ATAD2B: variants seen among roughly 807,000 people sequenced by gnomAD.
ATAD2B encodes the protein ATPase family AAA domain-containing protein 2B.
Under a neutral mutation model 167.6 loss-of-function variants are expected in ATAD2B, and 40 were observed. The observed-to-expected ratio is 0.24, with a 90% CI of 0.19 to 0.31. The LOEUF (loss-of-function observed/expected upper bound fraction) is 0.31. Ranked by LOEUF, ATAD2B falls within the 10% of genes least tolerant of loss-of-function variation. The pLI, the probability that ATAD2B is intolerant of heterozygous loss-of-function variation, is 1.00. For missense variants in ATAD2B, 1,242 were observed against 1,757.2 expected (o/e 0.71, Z 5.24); for synonymous variants, 579 against 596.5 (o/e 0.97, Z 0.43).
chr2:23,909,201 C>A (rs1403987643), intron 1 of ATAD2B, among the ~76,000 whole-genome samples: 1 of 151,366 alleles, frequency 6.6e-6, no homozygotes, highest in African/African-American at 2.4e-5. Flanking sequence ...TATTAGCCAT[C>A]AAGAAAAATG....
the ATAD2B span, among the ~76,000 whole-genome samples, chr2:23,715,148 T>C: frequency 2.0e-5 from 3 of 152,348 alleles, no homozygotes; most frequent in South Asian, 6.2e-4. Flanking sequence ...CTCTTAGACA[T>C]TTTATACTTT....
At chr2:23,901,324 T>C (rs1349273466) in intron 1 of ATAD2B, among the ~76,000 whole-genome samples, 16 of 152,128 alleles carry the variant, frequency 1.1e-4, no homozygotes, top group Non-Finnish European at 2.4e-4. Flanking sequence ...CCAATCAAAT[T>C]TGATCATTCA....
At chr2:23,829,850 T>A (rs1432499112) in intron 14 of ATAD2B, among the ~76,000 whole-genome samples, 1 of 152,238 alleles carries the variant, frequency 6.6e-6, no homozygotes, top group African/African-American at 2.4e-5. Flanking sequence ...ATCAATTAAA[T>A]TCATTGAAAG....
chr2:23,924,571 G>A (rs554612273), intron 1 of ATAD2B, among the ~76,000 whole-genome samples: 1 of 152,160 alleles, frequency 6.6e-6, no homozygotes, highest in African/African-American at 2.4e-5. Flanking sequence ...GAGTAGTTAC[G>A]TCTCTAAAAA....
At chr2:23,711,213 T>C in the ATAD2B span, among the ~76,000 whole-genome samples, 1 of 151,930 alleles carries the variant, frequency 6.6e-6, no homozygotes, top group East Asian at 1.9e-4. Flanking sequence ...ATTCATGGAA[T>C]TGCAGGCAAT....
chr2:23,892,233 G>A (rs898670367), intron 2 of ATAD2B, among the ~76,000 whole-genome samples: 2 of 152,042 alleles, frequency 1.3e-5, no homozygotes, highest in Admixed American at 1.3e-4. Context: ...GCGCGATCTT[G>A]GCTCATTGCA....
intron 8 of ATAD2B, among the ~76,000 whole-genome samples, chr2:23,870,657 A>AG (rs1464506648): frequency 9.6e-4 from 2 of 2,078 alleles, no homozygotes; most frequent in Non-Finnish European, 2.7e-3. Context: ...TTAGAATCTC[A>AG]GAAAAAAAAA....
At chr2:23,784,346 G>A (rs1464866770) in intron 21 of ATAD2B, among the ~76,000 whole-genome samples, 2 of 151,992 alleles carry the variant, frequency 1.3e-5, no homozygotes, top group African/African-American at 2.4e-5. Flanking sequence ...AAAAACTTTT[G>A]TTTTAGGTTA....
chr2:23,919,623 A>T (rs992125607), intron 1 of ATAD2B, among the ~76,000 whole-genome samples: 4 of 151,840 alleles, frequency 2.6e-5, no homozygotes, highest in African/African-American at 9.7e-5. Flanking sequence ...CGGGCAAATC[A>T]CCTAAGGTCA....
the ATAD2B span, chr2:23,693,645 G>C: frequency 9.0e-7 from 1 of 1,105,284 alleles, no homozygotes; most frequent in South Asian, 1.6e-5. Flanking sequence ...TCCCTAAGTG[G>C]CAGAGAGGTG....
At chr2:23,793,857 C>T (rs897955887) in intron 19 of ATAD2B, among the ~76,000 whole-genome samples, 1 of 152,024 alleles carries the variant, frequency 6.6e-6, no homozygotes, top group Non-Finnish European at 1.5e-5. Context: ...TGTATGTGAG[C>T]TATATGCATC....
chr2:23,847,908 G>T (rs1034016681), intron 13 of ATAD2B, among the ~76,000 whole-genome samples: 2 of 149,934 alleles, frequency 1.3e-5, no homozygotes, highest in Middle Eastern at 7.0e-3. Context: ...CAGGAGAATC[G>T]CTTGAACCCA....
intron 7 of ATAD2B, among the ~76,000 whole-genome samples, chr2:23,877,359 T>G (rs1334040766): frequency 2.0e-5 from 3 of 150,978 alleles, no homozygotes; most frequent in Non-Finnish European, 4.4e-5. Context: ...CCAGGCATGG[T>G]GGCATGCGCC....
Position 23,754,275 on chromosome 2 carries a change from G to A in ATAD2B, c.4239C>T (p.Asn1413=), listed in dbSNP as rs191274942. The change falls in exon 27 of 28, where the codon AAC becomes AAT. Residue 1413 remains asparagine (N), a synonymous_variant. Transcript: ENST00000238789. The part of the protein sequence containing the change: ...KLLDLLVDKS[N]NLAVDQLERL... The stretch of plus-strand genomic sequence containing the variant: ...TCTCAAGCTGATCAACTGCCAGATT[G>A]TTGCTTTTATCCACCAACAAATCAA... 5.1e-6 allele frequency: 8 copies of A among 1,566,028 alleles called. No individual in the cohort carries two copies. The highest frequency in any genetic ancestry group is 1.9e-5 in the Admixed American group (1 of 52,114).
chr2:23,735,852 C>A, the ATAD2B span, among the ~76,000 whole-genome samples: 6 of 152,296 alleles, frequency 3.9e-5, no homozygotes, highest in Admixed American at 1.3e-4. Flanking sequence ...GAAGGTAACT[C>A]TTGCTCCTGT....
chr2:23,909,682 G>A (rs543622441), intron 1 of ATAD2B, among the ~76,000 whole-genome samples: 15 of 151,936 alleles, frequency 9.9e-5, no homozygotes, highest in African/African-American at 3.6e-4. Flanking sequence ...GGGGAGCAGG[G>A]AAAAAGGCCC....
intron 22 of ATAD2B, among the ~76,000 whole-genome samples, chr2:23,780,440 T>C (rs905786476): frequency 1.3e-5 from 2 of 152,146 alleles, no homozygotes; most frequent in Non-Finnish European, 2.9e-5. Context: ...ACTTGGAAAT[T>C]ACTGGGTTGA....
chr2:23,861,216 C>T (rs1316462945), intron 12 of ATAD2B, among the ~76,000 whole-genome samples: 2 of 150,090 alleles, frequency 1.3e-5, no homozygotes, highest in Admixed American at 6.6e-5. Flanking sequence ...TATTACGTGC[C>T]AGTCACTGTG....
intron 22 of ATAD2B, among the ~76,000 whole-genome samples, chr2:23,767,497 A>G (rs577678391): frequency 1.3e-5 from 2 of 152,358 alleles, no homozygotes; most frequent in Non-Finnish European, 2.9e-5. Flanking sequence ...TTTTTGAGGT[A>G]CTGAAACTAT....
Sources: allele counts gnomAD v4.1 joint callset (sites outside exome capture counted in the v4.1 genomes callset), GRCh38; gene constraint gnomAD v4.1.1; transcripts MANE v1.5; gene names NCBI Gene and HGNC (gene_info 2026-07-23, HGNC 2026-07-21).